CNBD1: variants seen among roughly 807,000 people sequenced by gnomAD.
CNBD1 encodes cyclic nucleotide-binding domain-containing protein 1.
A neutral mutation model predicts 54.4 loss-of-function variants in CNBD1; 71 were observed. The observed-to-expected ratio is 1.30, with a 90% CI of 1.08 to 1.59. The LOEUF is 1.59. Among genes scored for constraint, CNBD1 ranks in the 40% most tolerant of loss-of-function variants. The probability of loss-of-function intolerance (pLI) is 0.00; values close to 1 mark genes in which losing one functional copy is unlikely to be tolerated. For missense variants in CNBD1, 659 were observed against 518.0 expected, an observed-to-expected ratio of 1.27 and a Z score of -2.64; for synonymous variants, 182 against 170.7, an observed-to-expected ratio of 1.07 and a Z score of -0.51.
intron 4 of CNBD1, among the ~76,000 whole-genome samples, chr8:87,106,086 T>A (rs562281511): frequency 6.6e-6 from 1 of 152,364 alleles, no homozygotes. Context: ...GTGAGTGATT[T>A]CTACTTTTAG....
intron 4 of CNBD1, among the ~76,000 whole-genome samples, chr8:87,090,422 A>G (rs913329390): frequency 7.2e-5 from 11 of 152,242 alleles, no homozygotes; most frequent in Admixed American, 2.0e-4. Flanking sequence ...GATTGGAAAG[A>G]CAGTAATCCA....
chr8:86,888,488 C>G (rs79297269), intron 2 of CNBD1, among the ~76,000 whole-genome samples: 2 of 151,918 alleles, frequency 1.3e-5, no homozygotes, highest in Non-Finnish European at 2.9e-5. Flanking sequence ...AGCCACTTAC[C>G]CTCTGTGTGA....
intron 8 of CNBD1, among the ~76,000 whole-genome samples, chr8:87,310,808 A>G (rs1348480868): frequency 1.3e-5 from 2 of 152,182 alleles, no homozygotes; most frequent in African/African-American, 4.8e-5. Context: ...AAAAGAATAG[A>G]GAACCTAGAA....
chr8:87,019,820 G>A (rs763024626), intron 4 of CNBD1, among the ~76,000 whole-genome samples: 2 of 152,168 alleles, frequency 1.3e-5, no homozygotes, highest in Non-Finnish European at 2.9e-5. Context: ...AGAGGTTGCA[G>A]TGAGCCGAGA....
rs1447305812 is a variant in CNBD1 at position 87,182,467 on chromosome 8, CA to C, written c.432-23523del. Among the ~76,000 whole-genome samples the C allele has an allele frequency of 6.6e-6, 1 of 151,806 alleles. No homozygotes were observed. The highest frequency in any genetic ancestry group is 1.5e-5 in the Non-Finnish European group (1 of 67,942). On this transcript the variant is annotated intron_variant, in intron 4 of 10. Coordinates refer to ENST00000518476, the MANE Select transcript of CNBD1 (RefSeq NM_173538.3). This position sits in a 1 kb window ranked among gnomAD's most constrained non-coding sequence, Gnocchi z 4.1. ...TGTTTTAGTTTCTTTCAGATATTAC[CA>C]AACCATTTTACACAATAGCTGAAAT...
At position 87,004,678 on chromosome 8, in the gene CNBD1, C is replaced by T. The variant is rs144342385; in HGVS notation, c.431+64924C>T. Among the ~76,000 whole-genome samples, 796 of 151,998 alleles carry T rather than the reference C, an allele frequency of 5.2e-3. 10 individuals are homozygous for T. Among genetic ancestry groups the T allele is most frequent in the African/African-American group, 0.018 (733 of 41,440 alleles). On this transcript the variant is annotated intron_variant, in intron 4 of 10. Coordinates refer to ENST00000518476, the MANE Select transcript of CNBD1 (RefSeq NM_173538.3). The stretch of plus-strand genomic sequence containing the variant: ...TACCAACACAAGCACAGGATAGATA[C>T]GCTATCTAGGAGTTGTTTCTGGCAG...
chr8:87,335,348 T>G (rs1383809514), intron 8 of CNBD1, among the ~76,000 whole-genome samples: 5 of 152,212 alleles, frequency 3.3e-5, no homozygotes, highest in African/African-American at 1.2e-4. Flanking sequence ...TAAGTCTCTT[T>G]GTAGGTCTCT....
At chr8:86,910,600 A>T (rs1225634460) in intron 3 of CNBD1, among the ~76,000 whole-genome samples, 2 of 152,202 alleles carry the variant, frequency 1.3e-5, no homozygotes, top group Non-Finnish European at 2.9e-5. Flanking sequence ...TACATTGTTT[A>T]CTTCAATACA....
At chr8:87,379,347 C>G (rs1811024777) in intron 10 of CNBD1, among the ~76,000 whole-genome samples, 1 of 151,804 alleles carries the variant, frequency 6.6e-6, no homozygotes, top group Admixed American at 6.6e-5. Context: ...ACAAGGATAC[C>G]CAGGAATTGA....
At chr8:86,929,864 A>C (rs1218695104) in intron 3 of CNBD1, among the ~76,000 whole-genome samples, 1 of 152,168 alleles carries the variant, frequency 6.6e-6, no homozygotes, top group African/African-American at 2.4e-5. Context: ...TTGCTACTAC[A>C]TCAATTTCCT....
intron 8 of CNBD1, among the ~76,000 whole-genome samples, chr8:87,346,737 A>T (rs1266288407): frequency 1.3e-5 from 2 of 152,178 alleles, no homozygotes; most frequent in Non-Finnish European, 2.9e-5. Flanking sequence ...ATAGCATCTT[A>T]TTATATAGAG....
At chr8:87,013,473 A>G (rs886830168) in intron 4 of CNBD1, among the ~76,000 whole-genome samples, 2 of 151,986 alleles carry the variant, frequency 1.3e-5, no homozygotes, top group Admixed American at 6.6e-5. Flanking sequence ...CCTAGGGTTG[A>G]CCTGCAAACT....
rs57652076 is a variant in CNBD1, at chr8:87,221,500, G to C, written c.577+15362G>C. 8.8e-3 allele frequency among the ~76,000 whole-genome samples: 1,338 copies of C among 151,868 alleles called. 20 individuals are homozygous for C. Among genetic ancestry groups the C allele is most frequent in the Middle Eastern group, 0.031 (9 of 294 alleles). On this transcript the variant is annotated intron_variant, in intron 5 of 10. Coordinates refer to ENST00000518476, the MANE Select transcript of CNBD1 (RefSeq NM_173538.3). ...TACAAATATTTTTCCTTCCATATCT[G>C]TCAATCAAAATTGTATCTACATTTC...
At chr8:87,087,589 G>A (rs1282782581) in intron 4 of CNBD1, among the ~76,000 whole-genome samples, 1 of 149,264 alleles carries the variant, frequency 6.7e-6, no homozygotes, top group South Asian at 2.1e-4. Context: ...TCAGCCTCCC[G>A]AGTAGCTGGG....
intron 5 of CNBD1, among the ~76,000 whole-genome samples, chr8:87,217,855 T>A (rs773867980): frequency 6.6e-5 from 10 of 152,116 alleles, no homozygotes; most frequent in Non-Finnish European, 1.2e-4. Flanking sequence ...AGAAACCATC[T>A]GGACTTTATA....
chr8:87,423,858 T>C (rs543271191), intron 2 of CNBD1, among the ~76,000 whole-genome samples: 1 of 152,286 alleles, frequency 6.6e-6, no homozygotes, highest in South Asian at 2.1e-4. Context: ...ATGGTACCAG[T>C]TCCTCCTTGT....
chr8:87,267,197 T>A (rs1808276058), intron 6 of CNBD1, among the ~76,000 whole-genome samples: 1 of 152,168 alleles, frequency 6.6e-6, no homozygotes, highest in East Asian at 1.9e-4. Context: ...TATAAATTGG[T>A]CTATTACAGA....
chr8:86,902,662 A>T (rs951488799), intron 2 of CNBD1, among the ~76,000 whole-genome samples: 2 of 151,872 alleles, frequency 1.3e-5, no homozygotes, highest in Admixed American at 1.3e-4. Context: ...TTTCTTATAG[A>T]TGAGTTTATT....
intron 4 of CNBD1, among the ~76,000 whole-genome samples, chr8:86,992,691 G>T (rs767324193): frequency 1.3e-5 from 2 of 151,970 alleles, no homozygotes; most frequent in African/African-American, 4.8e-5. Context: ...GACTCTACTT[G>T]TCTGAGAAGG....
Sources: gnomAD v4.1 joint callset for allele counts (sites outside exome capture counted in the v4.1 genomes callset) on GRCh38, gnomAD v4.1.1 for gene constraint, Gnocchi (gnomAD v3.1) non-coding constraint, MANE v1.5 for transcripts, NCBI Gene and HGNC (gene_info 2026-07-23, HGNC 2026-07-21) for gene names.